The following TNFRSF14 variants were observed in gnomAD, a reference collection of about 807,000 sequenced individuals.
TNFRSF14 encodes the protein TNF receptor superfamily member 14.
A neutral mutation model predicts 34.1 loss-of-function variants in TNFRSF14; 18 were observed. That is an observed-to-expected ratio of 0.53 (90% confidence interval 0.36 to 0.78). The LOEUF is 0.78. TNFRSF14 is among the 30% of genes least tolerant of loss of function. The pLI, the probability that TNFRSF14 is intolerant of heterozygous loss-of-function variation, is 0.00. For missense variants in TNFRSF14, 352 were observed against 379.5 expected (o/e 0.93, Z 0.60); for synonymous variants, 157 against 153.2 (o/e 1.02, Z -0.18).
chr1:2,555,922 G>A (rs1644205589), upstream of TNFRSF14: 1 of 169,210 alleles, frequency 5.9e-6, no homozygotes, highest in South Asian at 1.1e-4. The surrounding 1 kb of genome is among the most constrained non-coding windows in gnomAD (Gnocchi z 6.3). Context: ...GCTGGGGTGG[G>A]GTCAGGGCAG....
intron 6 of TNFRSF14, chr1:2,562,058 A>C: frequency 3.4e-6 from 2 of 582,662 alleles, no homozygotes; most frequent in South Asian, 4.0e-5. Flanking sequence ...ACCCCTGCCC[A>C]CGCACTCTAT....
At chr1:2,560,794 C>T in intron 5 of TNFRSF14, 80 bp downstream of exon 5, 1 of 1,358,542 alleles carries the variant, frequency 7.4e-7, no homozygotes, top group Non-Finnish European at 1.0e-6. Flanking sequence ...TGACCGTCTT[C>T]TCCAGCAGAA....
Position 2,561,466 on chromosome 1 carries a change from C to G in TNFRSF14, c.552-207C>G, listed in dbSNP as rs938131523. 2 of 1,494,036 alleles carry G rather than the reference C, an allele frequency of 1.3e-6. No homozygotes were observed. Among genetic ancestry groups the G allele is most frequent in the African/African-American group, 1.4e-5 (1 of 71,064 alleles). 92.5% of individuals were successfully genotyped at this position (1,494,036 alleles called of 1,614,324 possible). On this transcript the variant is annotated intron_variant, in intron 5 of 7. Transcript: ENST00000355716. This position sits in a 1 kb window ranked among gnomAD's most constrained non-coding sequence, Gnocchi z 6.0. ...CCAGTCTCTCCTTGTTTCTCTTCTC[C>G]TCCTTCCTTCTCTCCACCTCCCCAT...
chr1:2,554,527 G>C (rs1481331266), upstream of TNFRSF14, among the ~76,000 whole-genome samples: 2 of 152,126 alleles, frequency 1.3e-5, no homozygotes, highest in African/African-American at 4.8e-5. The surrounding 1 kb of genome is among the most constrained non-coding windows in gnomAD (Gnocchi z 4.2). Context: ...ATCAGAGAAG[G>C]CCTCAAGGAA....
chr1:2,556,120 G>T (rs1048395856), upstream of TNFRSF14: 7 of 363,524 alleles, frequency 1.9e-5, no homozygotes, highest in African/African-American at 1.5e-4. Context: ...ACCGCATTCT[G>T]GTGGTTTTAT....
At chr1:2,555,550 AG>A, upstream of TNFRSF14, 1 of 144,214 alleles carries the variant, frequency 6.9e-6, no homozygotes, top group Non-Finnish European at 1.5e-5. The surrounding 1 kb of genome is among the most constrained non-coding windows in gnomAD (Gnocchi z 6.3). Context: ...GTCGAGGGGC[AG>A]GGGGCGGTCC....
In TNFRSF14 at chr1:2,560,687, C is replaced by T; in HGVS notation, c.524C>T (p.Thr175Ile). The T allele has an allele frequency of 6.2e-7, 1 of 1,613,458 alleles. No individual in the cohort carries two copies. The highest frequency in any genetic ancestry group is 8.5e-7 in the Non-Finnish European group (1 of 1,179,932). Residue 175 changes from threonine (T) to isoleucine (I), a missense_variant, in exon 5 of 8, where the codon ACC (threonine) becomes ATC (isoleucine). Coordinates refer to ENST00000355716, the MANE Select transcript of TNFRSF14 (RefSeq NM_003820.4). ...CPPGTFSPNGTLEECQHQTKC... is the reference protein window; with the variant it reads ...CPPGTFSPNGILEECQHQTKC... Reference sequence around the variant, plus strand: ...CCGGGGACCTTCTCTCCCAATGGGACCCTGGAGGAATGTCAGCACCAGACC... The same window carrying T: ...CCGGGGACCTTCTCTCCCAATGGGATCCTGGAGGAATGTCAGCACCAGACC...
intron 1 of TNFRSF14, among the ~76,000 whole-genome samples, chr1:2,557,195 T>C (rs1288586401): frequency 6.6e-6 from 1 of 152,192 alleles, no homozygotes; most frequent in Non-Finnish European, 1.5e-5. Flanking sequence ...GTGGCACTCC[T>C]GCCTGTCCAG....
chr1:2,556,522 A>G lies in TNFRSF14; in HGVS notation c.-143A>G. ...CCACTCTCCTGCTGCTCGGGTTCTG[A>G]GGCACAGCTTGTCACACCGAGGCGG... On this transcript the variant is annotated 5_prime_UTR_variant, in exon 1 of 8. Coordinates refer to ENST00000355716, the MANE Select transcript of TNFRSF14 (RefSeq NM_003820.4). 1 of 864,254 alleles carries G rather than the reference A, an allele frequency of 1.2e-6. No individual in the cohort carries two copies. The highest frequency in any genetic ancestry group is 1.9e-6 in the Non-Finnish European group (1 of 525,750). The allele number at this position is 864,254 out of a possible 1,614,324, so 53.5% of individuals were successfully genotyped here. A position where few individuals can be genotyped will look rare whatever the true frequency, so the allele number is the denominator to read the frequency against.
rs565325044 is a variant in TNFRSF14 at position 2,560,572 on chromosome 1, C to T, written c.461-52C>T. 2.0e-5 allele frequency: 28 copies of T among 1,433,882 alleles called. No individual in the cohort carries two copies. In the African/African-American group the frequency reaches 3.4e-4, roughly 17 times the overall value. 88.8% of individuals were successfully genotyped at this position (1,433,882 alleles called of 1,614,324 possible). A position where few individuals can be genotyped will look rare whatever the true frequency, so the allele number is the denominator to read the frequency against. On this transcript the variant is annotated intron_variant, in intron 4 of 7. Coordinates refer to ENST00000355716, the MANE Select transcript of TNFRSF14 (RefSeq NM_003820.4). ...AGACAAGCAGTCCCTAGCCGCCAGC[C>T]CCCTCCTGGCCTGGTGCCCTCAGCC...
chr1:2,556,673 T>C lies in TNFRSF14; in HGVS notation c.9T>C (p.Pro3=), dbSNP rs11573967. The C allele has an allele frequency of 5.9e-3, 9,491 of 1,609,744 alleles. 48 individuals carry two copies. Among genetic ancestry groups the C allele is most frequent in the Non-Finnish European group, 6.9e-3 (8,130 of 1,177,850 alleles). The change falls in exon 1 of 8, where the codon CCT becomes CCC. Residue 3 remains proline (P), a synonymous_variant. Coordinates refer to ENST00000355716, the MANE Select transcript of TNFRSF14 (RefSeq NM_003820.4). ...CGGTCTGAGCCTGAGGCATGGAGCC[T>C]CCTGGAGACTGGGGGCCTCCTCCCT... ME[P]PGDWGPPPWR...
intron 1 of TNFRSF14, 82 bp downstream of exon 1, chr1:2,556,815 C>G: frequency 7.2e-7 from 1 of 1,392,134 alleles, no homozygotes; most frequent in Non-Finnish European, 9.6e-7. Flanking sequence ...TTCCCCATGC[C>G]CCTGTCCTGG....
chr1:2,561,903 G>A lies in TNFRSF14; in HGVS notation c.694+88G>A, dbSNP rs1644315811. The A allele has an allele frequency of 1.3e-5, 18 of 1,432,956 alleles. No individual in the cohort carries two copies. Among genetic ancestry groups the A allele is most frequent in the Non-Finnish European group, 1.6e-5 (17 of 1,052,226 alleles). The allele number at this position is 1,432,956 out of a possible 1,614,324, so 88.8% of individuals were successfully genotyped here. A position where few individuals can be genotyped will look rare whatever the true frequency, so the allele number is the denominator to read the frequency against. ...ACCCCAAGCCTGGGAGGTGGCCCCA[G>A]AGCTTTTCCAGGATCCGCGGCTCCT... On this transcript the variant is annotated intron_variant, in intron 6 of 7. Transcript: ENST00000355716. This position sits in a 1 kb window ranked among gnomAD's most constrained non-coding sequence, Gnocchi z 6.0.
chr1:2,556,915 G>A, intron 1 of TNFRSF14, 182 bp downstream of exon 1: 2 of 605,558 alleles, frequency 3.3e-6, no homozygotes, highest in Non-Finnish European at 5.8e-6. Context: ...ACCACAGTGG[G>A]GTGAGCAGCA....
At chr1:2,559,205 C>G in intron 3 of TNFRSF14, 6 of 1,369,660 alleles carry the variant, frequency 4.4e-6, no homozygotes, top group South Asian at 1.2e-5. Flanking sequence ...TTTGGGGGTT[C>G]ATGCATGTAG....
Position 2,563,240 on chromosome 1 carries a change from A to C in TNFRSF14, c.819A>C (p.Ile273=), listed in dbSNP as rs777352377. ...CCACGGTGGCCGTGGAGGAGACAAT[A>C]CCCTCATTCACGGGGAGGAGCCCAA... ...DVTTVAVEET[I]PSFTGRSPNH is the part of the protein sequence containing the mutation. The change falls in exon 8 of 8, where the codon ATA becomes ATC. Residue 273 remains isoleucine, a synonymous_variant. Transcript: ENST00000355716. 1 of 1,613,092 alleles carries C rather than the reference A, an allele frequency of 6.2e-7. No individual in the cohort carries two copies. The highest frequency in any genetic ancestry group is 1.1e-5 in the South Asian group (1 of 91,046).
intron 3 of TNFRSF14, chr1:2,559,574 C>CA (rs1320258170): frequency 5.9e-6 from 9 of 1,527,920 alleles, no homozygotes; most frequent in Non-Finnish European, 7.9e-6. Flanking sequence ...TGGTTTCTCC[C>CA]ATCAACGAAG....
rs370521672 is a variant in TNFRSF14 at position 2,556,617 on chromosome 1, G to A, written c.-48G>A. 5.6e-5 allele frequency: 89 copies of A among 1,578,142 alleles called. No individual in the cohort carries two copies. In the African/African-American group the frequency reaches 9.2e-4, roughly 16 times the overall value. On this transcript the variant is annotated 5_prime_UTR_variant, in exon 1 of 8. Coordinates refer to ENST00000355716, the MANE Select transcript of TNFRSF14 (RefSeq NM_003820.4). ...AATGGCGCTGAGTTCCTCTGCTGGA[G>A]TTCATCCTGCTAGCTGGGTTCCCGA... is the stretch of plus-strand genomic sequence containing the variant.
chr1:2,563,201 C>G lies in TNFRSF14; in HGVS notation c.780C>G (p.Ala260=). The change falls in exon 8 of 8, where the codon GCC becomes GCG. Residue 260 remains alanine (A), a synonymous_variant. Transcript: ENST00000355716. ...GEATVIEALQ[A]PPDVTTVAVE... The stretch of plus-strand genomic sequence containing the variant: ...CCACAGTCATTGAGGCCCTGCAGGC[C>G]CCTCCGGACGTCACCACGGTGGCCG... 1 of 1,613,488 alleles carries G rather than the reference C, an allele frequency of 6.2e-7. No individual in the cohort carries two copies.
Sources: allele counts gnomAD v4.1 joint callset (sites outside exome capture counted in the v4.1 genomes callset), GRCh38; gene constraint gnomAD v4.1.1; non-coding constraint Gnocchi (gnomAD v3.1); transcripts MANE v1.5; gene names NCBI Gene and HGNC (gene_info 2026-07-23, HGNC 2026-07-21).